STOM: variants seen among roughly 807,000 people sequenced by gnomAD.
STOM encodes stomatin.
A neutral mutation model predicts 30.6 loss-of-function variants in STOM; 25 were observed. The ratio of observed to expected loss-of-function variants is 0.82; its 90% CI spans 0.60 to 1.14. The LOEUF (loss-of-function observed/expected upper bound fraction) is 1.14. Ranked by LOEUF, STOM falls within the 50% of genes most tolerant of loss-of-function variation. The pLI is 0.00. For missense variants in STOM, 292 were observed against 365.2 expected (o/e 0.80, Z 1.63); for synonymous variants, 118 against 130.8 (o/e 0.90, Z 0.67).
chr9:121,350,490 G>A (rs116738952), intron 4 of STOM, among the ~76,000 whole-genome samples: 59 of 152,288 alleles, frequency 3.9e-4, no homozygotes, highest in African/African-American at 1.2e-3. Context: ...GAAACATAGC[G>A]GGTAGTCAAT....
intron 1 of STOM, 31 bp from the exon 2 acceptor site, chr9:121,356,187 C>G (rs1370267075): frequency 1.9e-6 from 3 of 1,567,336 alleles, no homozygotes; most frequent in Non-Finnish European, 2.6e-6. Context: ...ACAACTCTCA[C>G]AACTGTTACT....
At chr9:121,343,989 G>A (rs2064268394) in intron 6 of STOM, among the ~76,000 whole-genome samples, 2 of 152,170 alleles carry the variant, frequency 1.3e-5, no homozygotes, top group South Asian at 2.1e-4. Context: ...CTCCCTCCCC[G>A]AAGGAGGGCG....
Position 121,357,437 on chromosome 9 carries a change from A to ATATATATATATTTATT in STOM, c.62-1282_62-1281insAATAAATATATATATA, listed in dbSNP as rs1318433915. Among the ~76,000 whole-genome samples, 3 of 91,030 alleles carry ATATATATATATTTATT rather than the reference A, an allele frequency of 3.3e-5. 1 individual carries two copies. The highest frequency in any genetic ancestry group is 2.2e-4 in the Admixed American group (2 of 8,972). 59.7% of individuals were successfully genotyped at this position (91,030 alleles called of 152,430 possible). On this transcript the variant is annotated intron_variant, in intron 1 of 6. Transcript: ENST00000286713. ...ATATTTTTAAATGATATATATATATATATTTATTTATTTATTTTTTGAGAC... is the reference window on the plus strand; with the variant it reads ...ATATTTTTAAATGATATATATATATATATATATATATTTATTTATTTATTTATTTATTTTTTGAGAC...
At chr9:121,346,073 C>T (rs548854129) in intron 6 of STOM, among the ~76,000 whole-genome samples, 1 of 152,262 alleles carries the variant, frequency 6.6e-6, no homozygotes, top group South Asian at 2.1e-4. Flanking sequence ...TCACTGCAAC[C>T]TCCACCTCCA....
At chr9:121,342,366 CAAAAAAA>C (rs200857952) in intron 6 of STOM, among the ~76,000 whole-genome samples, 1 of 99,250 alleles carries the variant, frequency 1.0e-5, no homozygotes, top group Non-Finnish European at 2.4e-5. Context: ...GAATCTGTCT[CAAAAAAA>C]AAAAAAAAAA....
intron 1 of STOM, among the ~76,000 whole-genome samples, chr9:121,357,010 A>T (rs567981274): frequency 6.6e-6 from 1 of 152,288 alleles, no homozygotes; most frequent in South Asian, 2.1e-4. Context: ...GAAAAAGGAA[A>T]GAGGGAAAAG....
rs1168018578 is a variant in STOM at position 121,353,249 on chromosome 9, T to C, written c.292A>G (p.Thr98Ala). The change falls in exon 4 of 7, where the codon ACT becomes GCT. Residue 98 changes from threonine (T) to alanine (A), a missense_variant. By Grantham distance (58) the Thr-to-Ala change is moderately conservative. Transcript: ENST00000286713. ...TGAGGAGGAATATCAAATGAAATAG[T>C]TCTCATGTCCACTTTGATGAAGCTG... ...TDSFIKVDMR[T>A]ISFDIPPQEI... 3.7e-6 allele frequency: 6 copies of C among 1,611,400 alleles called. 1 individual carries two copies. In the Admixed American group the frequency reaches 8.4e-5, roughly 23 times the overall value.
intron 1 of STOM, among the ~76,000 whole-genome samples, chr9:121,367,699 A>G (rs541192376): frequency 6.6e-6 from 1 of 152,276 alleles, no homozygotes; most frequent in Non-Finnish European, 1.5e-5. Flanking sequence ...AATTCTCAGT[A>G]AAGACAAAGA....
rs1049778559 is a variant in STOM at position 121,370,099 on chromosome 9, G to T, written c.61+28C>A. 4 of 1,531,830 alleles carry T rather than the reference G, an allele frequency of 2.6e-6. No individual in the cohort carries two copies. The African/African-American group carries it at 5.5e-5, about 21-fold the overall frequency. The allele number at this position is 1,531,830 out of a possible 1,614,324, so 94.9% of individuals were successfully genotyped here. On this transcript the variant is annotated intron_variant, in intron 1 of 6. Coordinates refer to ENST00000286713, the MANE Select transcript of STOM (RefSeq NM_004099.6). ...GCTGCGGGCGGGGGCTCGGTCCACGGGGGAGGGTCAGGGGACGCGGGACTC... is the reference window on the plus strand; with the variant it reads ...GCTGCGGGCGGGGGCTCGGTCCACGTGGGAGGGTCAGGGGACGCGGGACTC...
intron 1 of STOM, chr9:121,366,179 C>CTTTA (rs2064501441): frequency 1.0e-6 from 1 of 985,276 alleles, no homozygotes; most frequent in East Asian, 1.1e-4. Flanking sequence ...GACTTTAGGA[C>CTTTA]TTTATTGGTT....
At chr9:121,354,974 T>C (rs542426037) in intron 2 of STOM, among the ~76,000 whole-genome samples, 1 of 152,102 alleles carries the variant, frequency 6.6e-6, no homozygotes, top group South Asian at 2.1e-4. Flanking sequence ...CAGTTACTCA[T>C]GCAGGCCAGG....
intron 2 of STOM, among the ~76,000 whole-genome samples, chr9:121,355,484 T>C (rs997400549): frequency 1.1e-4 from 17 of 152,064 alleles, no homozygotes; most frequent in African/African-American, 4.1e-4. Context: ...AAGAATAAAT[T>C]GATCTGAAAA....
chr9:121,347,629 C>T (rs1390816788), intron 6 of STOM, among the ~76,000 whole-genome samples: 1 of 152,058 alleles, frequency 6.6e-6, no homozygotes, highest in Admixed American at 6.6e-5. Context: ...GTTAATTTGA[C>T]CTTAATATGG....
intron 4 of STOM, among the ~76,000 whole-genome samples, chr9:121,351,173 T>C (rs2064335846): frequency 1.3e-5 from 2 of 152,228 alleles, no homozygotes; most frequent in African/African-American, 4.8e-5. Context: ...AAGCAGAAGC[T>C]TAAACAGCAA....
intron 1 of STOM, among the ~76,000 whole-genome samples, chr9:121,364,310 G>C (rs1365950945): frequency 2.0e-5 from 3 of 152,118 alleles, no homozygotes; most frequent in Non-Finnish European, 2.9e-5. Context: ...TTTCAAATTA[G>C]TATTTTAATT....
At chr9:121,341,439 G>A (rs1246431479) in intron 6 of STOM, 31 bp from the exon 7 acceptor site, 1 of 1,611,696 alleles carries the variant, frequency 6.2e-7, no homozygotes, top group Non-Finnish European at 8.5e-7. Context: ...GGGTTGAACT[G>A]GAGAAAACCT....
intron 3 of STOM, 89 bp from the exon 4 acceptor site, chr9:121,353,391 C>A (rs895356072): frequency 5.1e-6 from 4 of 782,848 alleles, no homozygotes; most frequent in Non-Finnish European, 7.9e-6. Context: ...ACCTAGTGAA[C>A]TGAAAAGTCA....
chr9:121,353,164 C>T, intron 4 of STOM, 56 bp downstream of exon 4: 1 of 972,190 alleles, frequency 1.0e-6, no homozygotes, highest in Non-Finnish European at 1.6e-6. Flanking sequence ...CTATTCTGTC[C>T]CTCATTGTAA....
intron 4 of STOM, 25 bp from the exon 5 acceptor site, chr9:121,349,348 A>C: frequency 6.2e-7 from 1 of 1,607,538 alleles, no homozygotes; most frequent in African/African-American, 1.3e-5. Context: ...AAGCAATTTT[A>C]CATCTGTCAA....
Sources: allele counts gnomAD v4.1 joint callset (sites outside exome capture counted in the v4.1 genomes callset), GRCh38; gene constraint gnomAD v4.1.1; transcripts MANE v1.5; gene names NCBI Gene and HGNC (gene_info 2026-07-23, HGNC 2026-07-21).